The following INTS9 variants were observed in gnomAD, a reference collection of about 807,000 sequenced individuals.
The protein encoded by INTS9 is protein related to CPSF subunits of 74 kDa.
Under a neutral mutation model 79.7 loss-of-function variants are expected in INTS9, and 55 were observed. The observed-to-expected ratio is 0.69, with a 90% CI of 0.56 to 0.86. INTS9 has a LOEUF of 0.86. INTS9 is among the 40% of genes least tolerant of loss of function. The pLI is 0.00. For synonymous variants in INTS9, 319 were observed against 325.2 expected (o/e 0.98, Z 0.20); for missense variants, 721 against 831.5 (o/e 0.87, Z 1.64).
At chr8:28,836,401 A>C (rs1806810109) in intron 5 of INTS9, among the ~76,000 whole-genome samples, 1 of 152,218 alleles carries the variant, frequency 6.6e-6, no homozygotes, top group Admixed American at 6.5e-5. Context: ...TGGATTTGAC[A>C]CCTTGAATCT....
intron 1 of INTS9, among the ~76,000 whole-genome samples, chr8:28,882,158 C>T (rs1472639135): frequency 7.0e-6 from 1 of 143,838 alleles, no homozygotes; most frequent in Non-Finnish European, 1.5e-5. Flanking sequence ...ACCTTATCCC[C>T]AACCCTGTGC....
intron 4 of INTS9, among the ~76,000 whole-genome samples, chr8:28,839,434 A>G (rs1807024967): frequency 1.3e-5 from 2 of 152,020 alleles, no homozygotes; most frequent in East Asian, 3.9e-4. Context: ...GAATTGGAAA[A>G]AACTACTTTA....
chr8:28,804,836 G>A (rs1804718691), intron 8 of INTS9, among the ~76,000 whole-genome samples: 1 of 152,170 alleles, frequency 6.6e-6, no homozygotes, highest in Non-Finnish European at 1.5e-5. Context: ...TAGAAATACT[G>A]TGAACAAAAG....
At chr8:28,839,599 A>G (rs1807037194) in intron 4 of INTS9, among the ~76,000 whole-genome samples, 1 of 152,310 alleles carries the variant, frequency 6.6e-6, no homozygotes, top group African/African-American at 2.4e-5. Flanking sequence ...AGAGATATAG[A>G]TCAATGGAAC....
At chr8:28,822,153 T>C (rs913382259) in intron 6 of INTS9, among the ~76,000 whole-genome samples, 3 of 151,992 alleles carry the variant, frequency 2.0e-5, no homozygotes, top group Non-Finnish European at 2.9e-5. Flanking sequence ...GATAGAAAGC[T>C]TGGGAAATAA....
intron 1 of INTS9, among the ~76,000 whole-genome samples, chr8:28,860,106 C>T (rs1433862221): frequency 6.6e-6 from 1 of 152,214 alleles, no homozygotes; most frequent in African/African-American, 2.4e-5. Flanking sequence ...AGTGACTTCC[C>T]TGATGTGCAG....
At chr8:28,779,093 A>C (rs1803080972) in intron 12 of INTS9, among the ~76,000 whole-genome samples, 1 of 152,222 alleles carries the variant, frequency 6.6e-6, no homozygotes, top group African/African-American at 2.4e-5. Context: ...TGTGCTGTGT[A>C]GATGCTGTCA....
At chr8:28,889,397 G>A (rs1263093593) in intron 1 of INTS9, among the ~76,000 whole-genome samples, 1 of 152,210 alleles carries the variant, frequency 6.6e-6, no homozygotes, top group African/African-American at 2.4e-5. Flanking sequence ...CAAGGGCAGT[G>A]AGGAGTCTAT....
chr8:28,864,642 T>C (rs985337724), intron 1 of INTS9, among the ~76,000 whole-genome samples: 1 of 152,218 alleles, frequency 6.6e-6, no homozygotes, highest in Non-Finnish European at 1.5e-5. Flanking sequence ...TACTAATTTC[T>C]TTTTTCTTTG....
intron 1 of INTS9, among the ~76,000 whole-genome samples, chr8:28,865,878 T>C (rs1334414537): frequency 6.6e-6 from 1 of 152,222 alleles, no homozygotes; most frequent in Non-Finnish European, 1.5e-5. Flanking sequence ...TTTCTACTTC[T>C]GGAATGCCTA....
At chr8:28,777,479 C>T (rs767501532) in intron 13 of INTS9, among the ~76,000 whole-genome samples, 2 of 152,026 alleles carry the variant, frequency 1.3e-5, no homozygotes, top group African/African-American at 2.4e-5. Flanking sequence ...ACGTGCGACA[C>T]GGCCCCAGTA....
intron 12 of INTS9, among the ~76,000 whole-genome samples, chr8:28,778,840 C>T (rs1803065263): frequency 1.3e-5 from 2 of 152,230 alleles, no homozygotes; most frequent in African/African-American, 4.8e-5. Context: ...CTGCCAGGTA[C>T]ATAAATGCCC....
At chr8:28,788,605 G>A (rs930532728) in intron 10 of INTS9, among the ~76,000 whole-genome samples, 1 of 152,142 alleles carries the variant, frequency 6.6e-6, no homozygotes, top group Non-Finnish European at 1.5e-5. Context: ...TTTTAGTAGA[G>A]ACGGGGTTTC....
intron 8 of INTS9, among the ~76,000 whole-genome samples, chr8:28,807,903 G>T (rs1804898227): frequency 6.6e-6 from 1 of 152,204 alleles, no homozygotes; most frequent in Admixed American, 6.5e-5. Context: ...AAGGTTAGAA[G>T]AGAGGTGAGA....
chr8:28,801,756 G>A (rs1174477519), intron 8 of INTS9, among the ~76,000 whole-genome samples: 1 of 152,130 alleles, frequency 6.6e-6, no homozygotes, highest in African/African-American at 2.4e-5. Flanking sequence ...GGGACCACAG[G>A]TGTGTGCCAC....
chr8:28,815,053 G>A (rs552327861), intron 6 of INTS9, among the ~76,000 whole-genome samples: 3 of 152,158 alleles, frequency 2.0e-5, no homozygotes, highest in African/African-American at 7.2e-5. Context: ...AATAATAAAG[G>A]CCTCAAGTGG....
At position 28,864,414 on chromosome 8, in the gene INTS9, C is replaced by T. The variant is rs1195010308; in HGVS notation, c.10-4851G>A. On this transcript the variant is annotated intron_variant, in intron 1 of 16. Coordinates refer to ENST00000521022, the MANE Select transcript of INTS9 (RefSeq NM_018250.4). Reference sequence around the variant, plus strand: ...ATATTTCAGGAAGAAGGGAGTTGAACTCAGAAGAAATGAGATACAAGAAGG... The same window carrying T: ...ATATTTCAGGAAGAAGGGAGTTGAATTCAGAAGAAATGAGATACAAGAAGG... Among the ~76,000 whole-genome samples the T allele has an allele frequency of 3.9e-5, 6 of 152,110 alleles. No individual in the cohort carries two copies. In the East Asian group the frequency reaches 9.6e-4, roughly 24 times the overall value.
intron 2 of INTS9, among the ~76,000 whole-genome samples, chr8:28,851,319 T>A (rs1351319914): frequency 3.9e-5 from 6 of 152,080 alleles, no homozygotes; most frequent in Non-Finnish European, 8.8e-5. Context: ...AGCATAAATA[T>A]GTGAATATCT....
At chr8:28,881,262 G>A (rs1170486029) in intron 1 of INTS9, among the ~76,000 whole-genome samples, 7 of 143,982 alleles carry the variant, frequency 4.9e-5, no homozygotes, top group African/African-American at 7.6e-5. Flanking sequence ...GGGGGGGTCA[G>A]CCCCCCGCCC....
Sources: allele counts gnomAD v4.1 joint callset (sites outside exome capture counted in the v4.1 genomes callset), GRCh38; gene constraint gnomAD v4.1.1; transcripts MANE v1.5; gene names NCBI Gene and HGNC (gene_info 2026-07-23, HGNC 2026-07-21).